The following DOCK9 variants were observed in gnomAD, a reference collection of about 807,000 sequenced individuals.
DOCK9 encodes dedicator of cytokinesis 9, also known as dedicator of cytokinesis protein 9.
A neutral mutation model predicts 263.3 loss-of-function variants in DOCK9; 89 were observed. That is an observed-to-expected ratio of 0.34 (90% CI 0.28 to 0.40). DOCK9 has a LOEUF of 0.40. DOCK9 is among the 10% of genes least tolerant of loss of function. DOCK9 has a pLI of 1.00. For missense variants in DOCK9, 2,140 were observed against 2,603.4 expected (o/e 0.82, Z 3.87); for synonymous variants, 976 against 973.1 (o/e 1.00, Z -0.06).
chr13:98,980,184 C>T (rs751954303), upstream of DOCK9, among the ~76,000 whole-genome samples: 40 of 152,310 alleles, frequency 2.6e-4, no homozygotes, highest in Non-Finnish European at 4.9e-4. Flanking sequence ...CCACTGTGTT[C>T]AGCCTACCCT....
Position 98,939,864 on chromosome 13 carries a change from T to C in DOCK9, c.244-9607A>G, listed in dbSNP as rs575790856. Among the ~76,000 whole-genome samples the C allele has an allele frequency of 1.3e-3, 202 of 152,374 alleles. 3 individuals are homozygous for C. The highest frequency in any genetic ancestry group is 4.7e-3 in the African/African-American group (196 of 41,598). ...AGCTCCTTCCTTTTGTCTCTAGGCC[T>C]CAGCCAAACTGCATGGTGCCTCACG... On this transcript the variant is annotated intron_variant, in intron 2 of 52. Coordinates refer to ENST00000682017, the MANE Select transcript of DOCK9 (RefSeq NM_001366683.2).
At chr13:98,919,044 GGGAATA>G (rs1366032715) in intron 7 of DOCK9, among the ~76,000 whole-genome samples, 1 of 152,164 alleles carries the variant, frequency 6.6e-6, no homozygotes, top group Non-Finnish European at 1.5e-5. Context: ...ACTATTTCAA[GGGAATA>G]GGATGTGAGT....
chr13:99,008,044 A>T (rs1346731088), intron 1 of DOCK9, among the ~76,000 whole-genome samples: 3 of 152,004 alleles, frequency 2.0e-5, no homozygotes, highest in Non-Finnish European at 4.4e-5. Flanking sequence ...TTATCACAAC[A>T]TTTATAATTG....
At chr13:98,823,156 G>T (rs574098059) in intron 45 of DOCK9, among the ~76,000 whole-genome samples, 1 of 151,796 alleles carries the variant, frequency 6.6e-6, no homozygotes, top group Non-Finnish European at 1.5e-5. Context: ...AAGAGTAGTA[G>T]TATTTTCCAT....
rs1219151084 is a variant in DOCK9, at chr13:98,901,831, C to G, written c.1450G>C (p.Gly484Arg). Residue 484 changes from glycine to arginine, a missense_variant, in exon 13 of 53, where the codon GGG becomes CGG. By Grantham distance (125) the Gly-to-Arg change is moderately radical (BLOSUM62 -2). Transcript: ENST00000682017. ...GGCTCAGCGCAATGTGTGATGCTCC[C>G]CTGAAGGACTTTTTCAATTCTGGCC... is the stretch of plus-strand genomic sequence containing the variant. ...LVARIEKVLQ[G>R]SITHCAEPYM... 1 of 1,612,792 alleles carries G rather than the reference C, an allele frequency of 6.2e-7. No homozygotes were observed. The highest frequency in any genetic ancestry group is 8.5e-7 in the Non-Finnish European group (1 of 1,179,350).
intron 1 of DOCK9, among the ~76,000 whole-genome samples, chr13:99,063,045 G>A (rs2041260695): frequency 6.6e-6 from 1 of 152,214 alleles, no homozygotes; most frequent in Non-Finnish European, 1.5e-5. Flanking sequence ...AGACCCATGT[G>A]AAGGTTCACG....
intron 1 of DOCK9, among the ~76,000 whole-genome samples, chr13:99,067,365 T>C (rs1302848400): frequency 6.6e-6 from 1 of 152,202 alleles, no homozygotes; most frequent in Non-Finnish European, 1.5e-5. Flanking sequence ...AACTCAAAAA[T>C]GACTCAAGAT....
At chr13:99,054,385 A>G (rs75339533) in intron 1 of DOCK9, among the ~76,000 whole-genome samples, 2,658 of 152,328 alleles carry the variant, frequency 0.017, 90 homozygotes, top group African/African-American at 0.061. Context: ...AGCCTCACCC[A>G]GAATCTTTGT....
At chr13:98,973,435 A>G (rs1474966625) in intron 1 of DOCK9, among the ~76,000 whole-genome samples, 1 of 152,188 alleles carries the variant, frequency 6.6e-6, no homozygotes, top group East Asian at 1.9e-4. Flanking sequence ...GCCAAGTCCT[A>G]CTACTACTTT....
intron 1 of DOCK9, among the ~76,000 whole-genome samples, chr13:98,996,769 G>A (rs1349719534): frequency 6.6e-6 from 1 of 152,212 alleles, no homozygotes; most frequent in Admixed American, 6.5e-5. Context: ...GTGTGGCCCA[G>A]GGAAGCCAAA....
intron 32 of DOCK9, among the ~76,000 whole-genome samples, chr13:98,862,619 G>GT (rs1323091380): frequency 6.6e-6 from 1 of 152,038 alleles, no homozygotes; most frequent in Admixed American, 6.6e-5. Flanking sequence ...AACCTGGGAG[G>GT]TGGAGGTTGC....
At chr13:98,853,935 G>A (rs140955945) in intron 34 of DOCK9, among the ~76,000 whole-genome samples, 6 of 152,284 alleles carry the variant, frequency 3.9e-5, no homozygotes, top group East Asian at 3.9e-4. Context: ...GACAACAGCC[G>A]TGGCTGAAAC....
chr13:99,039,868 A>G (rs1888290140), intron 1 of DOCK9, among the ~76,000 whole-genome samples: 3 of 152,206 alleles, frequency 2.0e-5, no homozygotes. Flanking sequence ...TTCCAGCTCC[A>G]CTTCTTACTG....
chr13:98,994,800 T>C (rs1271330539), intron 1 of DOCK9, among the ~76,000 whole-genome samples: 2 of 152,208 alleles, frequency 1.3e-5, no homozygotes, highest in African/African-American at 4.8e-5. Flanking sequence ...TACATTCTTT[T>C]GTATGACTTC....
intron 1 of DOCK9, among the ~76,000 whole-genome samples, chr13:98,961,925 C>T (rs193020148): frequency 8.5e-5 from 13 of 152,262 alleles, no homozygotes; most frequent in Admixed American, 2.0e-4. Flanking sequence ...GACTACTTGG[C>T]GGTATGTAAG....
At chr13:98,975,299 T>C (rs1225090685) in intron 1 of DOCK9, among the ~76,000 whole-genome samples, 2 of 150,662 alleles carry the variant, frequency 1.3e-5, no homozygotes, top group Non-Finnish European at 3.0e-5. Context: ...GAGACGGAGG[T>C]TGCAGTGGGC....
chr13:98,907,150 C>A (rs113465720), intron 9 of DOCK9, among the ~76,000 whole-genome samples: 1 of 152,228 alleles, frequency 6.6e-6, no homozygotes, highest in African/African-American at 2.4e-5. Context: ...CAAGTGGAAT[C>A]TATTTAACTG....
chr13:98,888,327 C>T (rs1264245158), intron 17 of DOCK9, 33 bp downstream of exon 17: 4 of 1,607,138 alleles, frequency 2.5e-6, no homozygotes, highest in African/African-American at 1.3e-5. Flanking sequence ...GAGGGTTTGA[C>T]ATCAAGAATG....
At chr13:98,867,191 AT>A in intron 30 of DOCK9, 1 of 564,372 alleles carries the variant, frequency 1.8e-6, no homozygotes. Flanking sequence ...AAGCAAAGGG[AT>A]TTTTCAATGA....
Sources: allele counts gnomAD v4.1 joint callset (sites outside exome capture counted in the v4.1 genomes callset), GRCh38; gene constraint gnomAD v4.1.1; transcripts MANE v1.5; gene names NCBI Gene and HGNC (gene_info 2026-07-23, HGNC 2026-07-21).